Variants in TRIP12 observed in about 807,000 individuals in gnomAD.
The protein encoded by TRIP12 is thyroid hormone receptor interactor 12, also known as E3 ubiquitin-protein ligase TRIP12.
TRIP12 carries 25 observed loss-of-function variants against 244.2 expected under a neutral mutation model. The observed-to-expected ratio is 0.10, with a 90% CI of 0.07 to 0.14. The LOEUF is 0.14. TRIP12 is among the 10% of genes least tolerant of loss of function. TRIP12 has a pLI of 1.00. For missense variants in TRIP12, 1,677 were observed against 2,486.4 expected (o/e 0.67, Z 6.92); for synonymous variants, 905 against 873.1 (o/e 1.04, Z -0.64).
At chr2:229,879,950 A>G (rs1171568965) in intron 2 of TRIP12, 32 bp downstream of exon 2, 1 of 1,609,720 alleles carries the variant, frequency 6.2e-7, no homozygotes, top group Non-Finnish European at 8.5e-7. Flanking sequence ...TTTTATTCCC[A>G]ATTCCTTTTC....
In TRIP12 at chr2:229,913,971, T is replaced by C. The variant is rs527788740; in HGVS notation, c.-50+7909A>G. Among the ~76,000 whole-genome samples, 6 of 152,254 alleles carry C rather than the reference T, an allele frequency of 3.9e-5. No homozygotes were observed. The South Asian group carries it at 1.2e-3, about 32-fold the overall frequency. On this transcript the variant is annotated intron_variant, in intron 1 of 41. Transcript: ENST00000675903. ...AGAAAGTTAAGTGTAAGTATATATATTTCTAAGAGATACAGGCCAGGCGCG... is the reference window on the plus strand; with the variant it reads ...AGAAAGTTAAGTGTAAGTATATATACTTCTAAGAGATACAGGCCAGGCGCG...
chr2:229,846,196 TCTA>T (rs1177176751), intron 4 of TRIP12, among the ~76,000 whole-genome samples: 1 of 152,136 alleles, frequency 6.6e-6, no homozygotes, highest in Non-Finnish European at 1.5e-5. Context: ...TCAAAGAAGT[TCTA>T]CTATAGATAA....
chr2:229,783,643 A>T (rs1249171696), intron 34 of TRIP12, among the ~76,000 whole-genome samples: 1 of 152,190 alleles, frequency 6.6e-6, no homozygotes, highest in Non-Finnish European at 1.5e-5. Context: ...AGTGTACACC[A>T]CATTCATGGA....
upstream of TRIP12, chr2:229,922,655 G>A: frequency 6.3e-7 from 1 of 1,596,508 alleles, no homozygotes; most frequent in Non-Finnish European, 8.6e-7. Context: ...TCCCTACCTG[G>A]CCCGGTTGGG....
At chr2:229,922,530 C>A, upstream of TRIP12, 1 of 1,613,902 alleles carries the variant, frequency 6.2e-7, no homozygotes, top group South Asian at 1.1e-5. Flanking sequence ...TCGTGGCTGC[C>A]GGAGACTCTC....
intron 13 of TRIP12, 99 bp from the exon 14 acceptor site, chr2:229,811,303 G>C (rs1303781463): frequency 4.0e-6 from 5 of 1,239,982 alleles, no homozygotes; most frequent in Non-Finnish European, 5.6e-6. Context: ...GATTCTTCAA[G>C]GCAAGCTCAA....
chr2:229,797,800 C>A lies in TRIP12; in HGVS notation c.3514G>T (p.Ala1172Ser), dbSNP rs773319914. Residue 1172 changes from alanine to serine, a missense_variant, in exon 24 of 42, where the codon GCA (alanine) becomes TCA (serine). Transcript: ENST00000675903. Reference protein sequence around the residue: ...EKIKGWIKEQAHKFVERYFSS... With the variant: ...EKIKGWIKEQSHKFVERYFSS... ...AAATAACGTTCTACAAATTTATGTG[C>A]CTGCTCCTTAATCCAACCTTTAATT... The A allele has an allele frequency of 1.2e-6, 2 of 1,613,904 alleles. No individual in the cohort carries two copies. The highest frequency in any genetic ancestry group is 8.5e-7 in the Non-Finnish European group (1 of 1,179,890).
chr2:229,829,041 C>T (rs1249736407), intron 8 of TRIP12, 152 bp downstream of exon 8: 2 of 520,806 alleles, frequency 3.8e-6, no homozygotes, highest in East Asian at 3.3e-5. Context: ...GCAATGAAAG[C>T]TGTATTTAAG....
intron 13 of TRIP12, among the ~76,000 whole-genome samples, chr2:229,812,472 C>T (rs1342007434): frequency 1.3e-5 from 2 of 152,188 alleles, no homozygotes; most frequent in Non-Finnish European, 2.9e-5. Flanking sequence ...GCAAAAGGCT[C>T]TAGAGTGATT....
chr2:229,827,994 T>C (rs985469055), intron 8 of TRIP12, among the ~76,000 whole-genome samples: 2 of 152,220 alleles, frequency 1.3e-5, no homozygotes, highest in East Asian at 1.9e-4. Context: ...GTATATTAGC[T>C]AGATGATGAG....
chr2:229,774,075 C>A, intron 38 of TRIP12, 22 bp downstream of exon 38: 1 of 1,605,500 alleles, frequency 6.2e-7, no homozygotes, highest in Admixed American at 1.7e-5. Flanking sequence ...CTGGCCTACC[C>A]CCCAAAGACA....
intron 4 of TRIP12, among the ~76,000 whole-genome samples, chr2:229,855,017 ATTC>A (rs1312077619): frequency 6.6e-6 from 1 of 152,202 alleles, no homozygotes; most frequent in Non-Finnish European, 1.5e-5. Flanking sequence ...TAATCCCAGC[ATTC>A]TGGGAGGCCG....
intron 1 of TRIP12, among the ~76,000 whole-genome samples, chr2:229,912,011 C>G (rs2074379899): frequency 6.6e-6 from 1 of 152,110 alleles, no homozygotes; most frequent in South Asian, 2.1e-4. Flanking sequence ...CACAAAAAAT[C>G]ATGCATTAGG....
At chr2:229,795,878 A>C (rs2042688310) in intron 25 of TRIP12, among the ~76,000 whole-genome samples, 1 of 152,342 alleles carries the variant, frequency 6.6e-6, no homozygotes, top group Non-Finnish European at 1.5e-5. Flanking sequence ...AGGTTGACTC[A>C]CAAGTTAAAA....
At chr2:229,815,065 T>C in intron 11 of TRIP12, 34 bp downstream of exon 11, 2 of 1,545,908 alleles carry the variant, frequency 1.3e-6, no homozygotes, top group Non-Finnish European at 1.8e-6. Context: ...TCCCTATGCC[T>C]GCTTTTGAAC....
At chr2:229,883,803 A>G (rs1419249499) in intron 1 of TRIP12, among the ~76,000 whole-genome samples, 1 of 152,232 alleles carries the variant, frequency 6.6e-6, no homozygotes, top group African/African-American at 2.4e-5. Context: ...ATGACTTTTC[A>G]TTTTATGTGA....
chr2:229,777,983 C>T (rs1251481401), intron 36 of TRIP12, among the ~76,000 whole-genome samples: 2 of 152,166 alleles, frequency 1.3e-5, no homozygotes, highest in African/African-American at 4.8e-5. Context: ...AAGAAATGTC[C>T]AGAAACATTC....
chr2:229,903,131 T>C (rs746456170), intron 1 of TRIP12, among the ~76,000 whole-genome samples: 2 of 145,814 alleles, frequency 1.4e-5, no homozygotes, highest in Non-Finnish European at 1.5e-5. Flanking sequence ...TAAACAACAA[T>C]AGGAACACAA....
intron 31 of TRIP12, among the ~76,000 whole-genome samples, chr2:229,789,159 G>A (rs569925782): frequency 9.9e-5 from 15 of 152,130 alleles, no homozygotes; most frequent in East Asian, 1.9e-4. Flanking sequence ...CCACTGCTGC[G>A]CACCCCGCCC....
Sources: gnomAD v4.1 joint callset for allele counts (sites outside exome capture counted in the v4.1 genomes callset) on GRCh38, gnomAD v4.1.1 for gene constraint, MANE v1.5 for transcripts, NCBI Gene and HGNC (gene_info 2026-07-23, HGNC 2026-07-21) for gene names.